Variants in CLEC12A observed in about 807,000 individuals in gnomAD.
CLEC12A encodes C-type lectin protein CLL-1.
In CLEC12A, 22 loss-of-function variants were observed where a neutral mutation model predicts 26.5. The ratio of observed to expected loss-of-function variants is 0.83; its 90% CI spans 0.59 to 1.19. The LOEUF (loss-of-function observed/expected upper bound fraction) is 1.19. CLEC12A is among the 50% of genes most tolerant of loss of function. The probability of loss-of-function intolerance (pLI) is 0.00; values close to 1 mark genes in which losing one functional copy is unlikely to be tolerated. For synonymous variants in CLEC12A, 119 were observed against 101.9 expected (o/e 1.17, Z -1.01); for missense variants, 353 against 315.6 (o/e 1.12, Z -0.90).
chr12:9,953,134 G>A (rs1382360602), intron 1 of CLEC12A: 1 of 53,594 alleles, frequency 1.9e-5, no homozygotes, highest in Non-Finnish European at 3.9e-5. Flanking sequence ...GGAGGGAGGT[G>A]GGGGGTCAGC....
chr12:10,000,042 T>C (rs1265415603), downstream of CLEC12A, among the ~76,000 whole-genome samples: 1 of 152,242 alleles, frequency 6.6e-6, no homozygotes, highest in African/African-American at 2.4e-5. Flanking sequence ...GCATTTATTA[T>C]AGGAATATTG....
chr12:10,005,452 A>G, the CLEC12A span, among the ~76,000 whole-genome samples: 1 of 152,218 alleles, frequency 6.6e-6, no homozygotes, highest in Non-Finnish European at 1.5e-5. Context: ...ATGATCCAGA[A>G]TAATCCAAAC....
intron 1 of CLEC12A, among the ~76,000 whole-genome samples, chr12:9,961,700 A>G (rs1407340548): frequency 6.6e-6 from 1 of 150,486 alleles, no homozygotes; most frequent in Non-Finnish European, 1.5e-5. Context: ...TCTGTTTTTA[A>G]TACATAAGGC....
At chr12:9,982,751 C>A (rs1361539043) in intron 5 of CLEC12A, among the ~76,000 whole-genome samples, 1 of 152,128 alleles carries the variant, frequency 6.6e-6, no homozygotes, top group Non-Finnish European at 1.5e-5. Flanking sequence ...ATAGTGTACA[C>A]TGTACCCAAC....
intron 1 of CLEC12A, among the ~76,000 whole-genome samples, chr12:9,954,488 T>C (rs1482623780): frequency 2.0e-5 from 3 of 148,680 alleles, no homozygotes; most frequent in Non-Finnish European, 4.4e-5. Context: ...GGAGATCCTG[T>C]CTCAAAAAAA....
chr12:9,981,464 TA>T (rs1864553588), intron 4 of CLEC12A, among the ~76,000 whole-genome samples: 1 of 152,178 alleles, frequency 6.6e-6, no homozygotes, highest in African/African-American at 2.4e-5. Flanking sequence ...AGAAGAGAGA[TA>T]AATCAACCCA....
intron 3 of CLEC12A, 55 bp from the exon 4 acceptor site, chr12:9,980,527 T>G: frequency 6.7e-7 from 1 of 1,495,156 alleles, no homozygotes. Context: ...AAGGAAATAA[T>G]AAGAATTATT....
At position 9,985,075 on chromosome 12, in the gene CLEC12A, C is replaced by A; in HGVS notation, c.*49C>A. ...GAGTGTAGGGGGTGGGGGTTCTAGG[C>A]TATAGGTAAATTTAAATATTTTCTG... is the stretch of plus-strand genomic sequence containing the variant. On this transcript the variant is annotated 3_prime_UTR_variant, in exon 6 of 6. Coordinates refer to ENST00000304361, the MANE Select transcript of CLEC12A (RefSeq NM_138337.6). The A allele has an allele frequency of 7.5e-7, 1 of 1,332,650 alleles. No individual in the cohort carries two copies. The allele number at this position is 1,332,650 out of a possible 1,614,324, so 82.6% of individuals were successfully genotyped here. A position where few individuals can be genotyped will look rare whatever the true frequency, so the allele number is the denominator to read the frequency against.
chr12:9,996,889 T>G (rs775125636), downstream of CLEC12A: 8 of 1,614,068 alleles, frequency 5.0e-6, no homozygotes, highest in Admixed American at 1.3e-4. Flanking sequence ...AGCATTCATG[T>G]CAGTGCAGTA....
intron 1 of CLEC12A, among the ~76,000 whole-genome samples, chr12:9,958,483 TG>T (rs1255138087): frequency 1.3e-5 from 2 of 152,222 alleles, no homozygotes; most frequent in African/African-American, 4.8e-5. Flanking sequence ...CACGGGGGAC[TG>T]GCTTTATAAT....
At chr12:9,960,825 C>T (rs1863815695) in intron 1 of CLEC12A, among the ~76,000 whole-genome samples, 1 of 152,208 alleles carries the variant, frequency 6.6e-6, no homozygotes, top group South Asian at 2.1e-4. Context: ...CTCATCAGAG[C>T]ACCACACCCA....
intron 1 of CLEC12A, among the ~76,000 whole-genome samples, chr12:9,964,971 CAATGGT>C (rs1863904305): frequency 6.6e-6 from 1 of 152,026 alleles, no homozygotes; most frequent in South Asian, 2.1e-4. Context: ...GGGCCAGGAA[CAATGGT>C]AATTGTCAGA....
At chr12:9,996,992 T>C (rs762646083), downstream of CLEC12A, 1 of 1,614,008 alleles carries the variant, frequency 6.2e-7, no homozygotes, top group Non-Finnish European at 8.5e-7. Flanking sequence ...GGGCTGCATT[T>C]ATGACCTTCT....
chr12:9,961,807 A>G (rs1185158953), intron 1 of CLEC12A, among the ~76,000 whole-genome samples: 2 of 152,226 alleles, frequency 1.3e-5, no homozygotes, highest in Admixed American at 6.5e-5. Flanking sequence ...TGGCCTACAT[A>G]TGGTTCAGAA....
In CLEC12A at chr12:9,959,205, C is replaced by T. The variant is rs1271516927; in HGVS notation, c.10+7849C>T. ...GTGGCTCACTCCTGTGATCCCTGCA[C>T]TTTGGGAGGCTGAGGCGGGTGGATC... On this transcript the variant is annotated intron_variant, in intron 1 of 6. Coordinates refer to the CLEC12A transcript ENST00000355690. Among the ~76,000 whole-genome samples, 3 of 152,094 alleles carry T rather than the reference C, an allele frequency of 2.0e-5. No homozygotes were observed. In the East Asian group the frequency reaches 5.8e-4, roughly 29 times the overall value.
In CLEC12A at chr12:9,978,890, A is replaced by G. The variant is rs1332120087; in HGVS notation, c.92-76A>G. 3.0e-6 allele frequency: 3 copies of G among 1,011,618 alleles called. No individual in the cohort carries two copies. In the African/African-American group the frequency reaches 4.8e-5, roughly 16 times the overall value. 62.7% of individuals were successfully genotyped at this position (1,011,618 alleles called of 1,614,324 possible). On this transcript the variant is annotated intron_variant, in intron 1 of 5. Coordinates refer to ENST00000304361, the MANE Select transcript of CLEC12A (RefSeq NM_138337.6). Reference sequence around the variant, plus strand: ...TTAGGAAATAAAGGTAAAATGAATGAATGAATGAATGAGTAAATAATCCAA... The same window carrying G: ...TTAGGAAATAAAGGTAAAATGAATGGATGAATGAATGAGTAAATAATCCAA...
chr12:9,959,318 G>T (rs1863792244), intron 1 of CLEC12A, among the ~76,000 whole-genome samples: 1 of 152,080 alleles, frequency 6.6e-6, no homozygotes, highest in African/African-American at 2.4e-5. Flanking sequence ...TGGGCGTGGT[G>T]GCGGGCACCT....
downstream of CLEC12A, among the ~76,000 whole-genome samples, chr12:9,987,751 TTTTTG>T (rs755115460): frequency 6.6e-5 from 10 of 152,146 alleles, no homozygotes; most frequent in East Asian, 5.8e-4. Context: ...TTTGTTTGTT[TTTTTG>T]TTTTGTTTTG....
At chr12:9,951,460 A>G in intron 1 of CLEC12A, 1 of 699,028 alleles carries the variant, frequency 1.4e-6, no homozygotes, top group African/African-American at 1.7e-5. Context: ...ACTGACGGAG[A>G]GAGGAAGCAC....
Sources: allele counts gnomAD v4.1 joint callset (sites outside exome capture counted in the v4.1 genomes callset), GRCh38; gene constraint gnomAD v4.1.1; transcripts MANE v1.5; gene names NCBI Gene and HGNC (gene_info 2026-07-23, HGNC 2026-07-21).